The following NTRK3 variants were observed in gnomAD, a reference collection of about 807,000 sequenced individuals.
The protein encoded by NTRK3 is NT-3 growth factor receptor.
NTRK3 carries 24 observed loss-of-function variants against 91.7 expected under a neutral mutation model. The ratio of observed to expected loss-of-function variants is 0.26; its 90% CI spans 0.19 to 0.37. The LOEUF is 0.37. Ranked by LOEUF, NTRK3 falls within the 10% of genes least tolerant of loss-of-function variation. The pLI, the probability that NTRK3 is intolerant of heterozygous loss-of-function variation, is 1.00. For synonymous variants in NTRK3, 483 were observed against 404.0 expected (o/e 1.20, Z -2.34); for missense variants, 880 against 1,068.9 (o/e 0.82, Z 2.46).
chr15:88,112,129 A>G (rs2051468194), intron 13 of NTRK3, among the ~76,000 whole-genome samples: 1 of 152,000 alleles, frequency 6.6e-6, no homozygotes, highest in Non-Finnish European at 1.5e-5. Context: ...GATGGTCTTG[A>G]TCTCCTGACC....
At chr15:88,147,438 C>G (rs1451348028) in intron 5 of NTRK3, 35 bp from the exon 6 acceptor site, 2 of 1,574,560 alleles carry the variant, frequency 1.3e-6, no homozygotes, top group South Asian at 1.1e-5. Context: ...AATTTTAAAA[C>G]AAGTCTGGCA....
chr15:87,981,448 A>G, intron 14 of NTRK3: 1 of 1,583,518 alleles, frequency 6.3e-7, no homozygotes, highest in Non-Finnish European at 8.7e-7. Context: ...TCTTAAGTGC[A>G]CAATGCCAGA....
intron 10 of NTRK3, chr15:88,131,920 C>G (rs533743977): frequency 1.4e-4 from 27 of 197,170 alleles, no homozygotes; most frequent in African/African-American, 5.3e-4. Context: ...CTGGGAGGAG[C>G]GCTTGTCCAG....
At chr15:88,227,189 G>C (rs2050747759) in intron 3 of NTRK3, among the ~76,000 whole-genome samples, 1 of 152,020 alleles carries the variant, frequency 6.6e-6, no homozygotes, top group South Asian at 2.1e-4. Flanking sequence ...GGTCTCTCCT[G>C]CTCCTTCAGG....
intron 13 of NTRK3, among the ~76,000 whole-genome samples, chr15:88,085,711 T>C (rs552207810): frequency 2.0e-5 from 3 of 152,350 alleles, no homozygotes; most frequent in Non-Finnish European, 4.4e-5. Context: ...ACTACAAATA[T>C]GCATTGAGCC....
intron 13 of NTRK3, among the ~76,000 whole-genome samples, chr15:88,115,797 G>A (rs1426845563): frequency 6.6e-6 from 1 of 152,146 alleles, no homozygotes; most frequent in Non-Finnish European, 1.5e-5. Flanking sequence ...CCACCACCTA[G>A]GGCAGTGTCT....
At chr15:87,867,634 C>A (rs1280916623) in exon 19 of NTRK3, 4 of 229,566 alleles carry the variant, frequency 1.7e-5, no homozygotes, top group African/African-American at 8.9e-5. Context: ...AAGTGACAAT[C>A]TAGCAGGCTT....
At chr15:88,180,154 C>T (rs934437410) in intron 5 of NTRK3, among the ~76,000 whole-genome samples, 2 of 152,164 alleles carry the variant, frequency 1.3e-5, no homozygotes, top group Non-Finnish European at 2.9e-5. Context: ...TTAATCTTGA[C>T]CACATCCCAT....
At chr15:87,979,346 T>G in intron 14 of NTRK3, 1 of 1,609,828 alleles carries the variant, frequency 6.2e-7, no homozygotes, top group Non-Finnish European at 8.5e-7. Context: ...AAGGAGTTTT[T>G]AAAAGCCATG....
At chr15:87,888,571 C>T (rs2065679622) in intron 17 of NTRK3, among the ~76,000 whole-genome samples, 1 of 152,154 alleles carries the variant, frequency 6.6e-6, no homozygotes, top group Non-Finnish European at 1.5e-5. Flanking sequence ...CCCATAGTCC[C>T]TTGGCAGGGG....
At chr15:87,989,779 G>C (rs1388225958) in intron 14 of NTRK3, among the ~76,000 whole-genome samples, 1 of 151,786 alleles carries the variant, frequency 6.6e-6, no homozygotes, top group African/African-American at 2.4e-5. Flanking sequence ...GCTAATTTTT[G>C]TATTTTTAGT....
chr15:88,187,628 G>T (rs1258196253), intron 3 of NTRK3, among the ~76,000 whole-genome samples: 2 of 152,144 alleles, frequency 1.3e-5, no homozygotes, highest in Non-Finnish European at 2.9e-5. Flanking sequence ...TGTACAGGTT[G>T]TTTTCATTGA....
chr15:88,031,166 G>A (rs548933378), intron 14 of NTRK3, among the ~76,000 whole-genome samples: 2 of 152,212 alleles, frequency 1.3e-5, no homozygotes, highest in Non-Finnish European at 2.9e-5. Flanking sequence ...GTATTGACTG[G>A]TTGATAAAAT....
In NTRK3 at chr15:88,112,194, C is replaced by T. The variant is rs563676623; in HGVS notation, c.1396+14077G>A. On this transcript the variant is annotated intron_variant, in intron 13 of 18. Transcript: ENST00000394480. Reference sequence around the variant, plus strand: ...GTGCTAGGATTACAGGCGTGAGCCACCATGCTCAGCCTCTGGTTTCTGTTT... The same window carrying T: ...GTGCTAGGATTACAGGCGTGAGCCATCATGCTCAGCCTCTGGTTTCTGTTT... 2.6e-5 allele frequency among the ~76,000 whole-genome samples: 4 copies of T among 152,322 alleles called. No individual in the cohort carries two copies. In the East Asian group the frequency reaches 7.7e-4, roughly 29 times the overall value.
intron 13 of NTRK3, 52 bp from the exon 14 acceptor site, chr15:88,033,097 T>C (rs540451806): frequency 6.5e-7 from 1 of 1,528,434 alleles, no homozygotes; most frequent in African/African-American, 1.4e-5. Flanking sequence ...TCCGGCCAGT[T>C]TCCAGCCCTG....
chr15:88,037,068 G>A (rs967339532), intron 13 of NTRK3, among the ~76,000 whole-genome samples: 1 of 152,166 alleles, frequency 6.6e-6, no homozygotes, highest in Non-Finnish European at 1.5e-5. Context: ...GTGCATAGAT[G>A]GAAGTGTTCT....
intron 14 of NTRK3, among the ~76,000 whole-genome samples, chr15:88,001,647 G>A (rs770601789): frequency 4.6e-5 from 7 of 152,060 alleles, no homozygotes; most frequent in Non-Finnish European, 7.4e-5. Flanking sequence ...TCAGTTGACC[G>A]CAAAAGTACA....
At chr15:88,133,102 T>G (rs1394739908) in intron 10 of NTRK3, among the ~76,000 whole-genome samples, 1 of 152,098 alleles carries the variant, frequency 6.6e-6, no homozygotes, top group Non-Finnish European at 1.5e-5. Flanking sequence ...AACTTAAGTT[T>G]TAACACATTC....
chr15:88,122,192 C>T (rs1207770909), intron 13 of NTRK3, among the ~76,000 whole-genome samples: 1 of 152,170 alleles, frequency 6.6e-6, no homozygotes, highest in Admixed American at 6.5e-5. Context: ...ATATGCATGT[C>T]TGTGTGTCTA....
Sources: gnomAD v4.1 joint callset for allele counts (sites outside exome capture counted in the v4.1 genomes callset) on GRCh38, gnomAD v4.1.1 for gene constraint, MANE v1.5 for transcripts, NCBI Gene and HGNC (gene_info 2026-07-23, HGNC 2026-07-21) for gene names.